The following IQGAP3 variants were observed in gnomAD, a reference collection of about 807,000 sequenced individuals.
IQGAP3 encodes the protein IQ motif containing GTPase activating protein 3, also known as ras GTPase-activating-like protein IQGAP3.
A neutral mutation model predicts 208.2 loss-of-function variants in IQGAP3; 165 were observed. The ratio of observed to expected loss-of-function variants is 0.79; its 90% CI spans 0.70 to 0.90. The LOEUF is 0.90. Among genes scored for constraint, IQGAP3 ranks in the 40% least tolerant of loss-of-function variants. The probability of loss-of-function intolerance (pLI) is 0.00; values close to 1 mark genes in which losing one functional copy is unlikely to be tolerated. For synonymous variants in IQGAP3, 703 were observed against 803.6 expected, an observed-to-expected ratio of 0.87 and a Z score of 2.12; for missense variants, 1,811 against 2,043.1, an observed-to-expected ratio of 0.89 and a Z score of 2.19.
At chr1:156,534,289 C>A (rs1674573967) in intron 29 of IQGAP3, 148 bp from the exon 30 acceptor site, 6 of 1,283,866 alleles carry the variant, frequency 4.7e-6, no homozygotes, top group Non-Finnish European at 6.5e-6. Flanking sequence ...CCTGCCCTAC[C>A]TCTGTCCCAG....
rs34005985 is a variant in IQGAP3, at chr1:156,569,528, C to CTTTT, written c.38-69_38-66dup. The CTTTT allele has an allele frequency of 6.5e-3, 900 of 138,110 alleles. 20 individuals are homozygous for CTTTT. The highest frequency in any genetic ancestry group is 8.9e-3 in the East Asian group (46 of 5,154). 8.6% of individuals were successfully genotyped at this position (138,110 alleles called of 1,614,324 possible). On this transcript the variant is annotated intron_variant, in intron 1 of 37. Transcript: ENST00000361170. ...TAGAGGTGCCTTAGCACTGAAGGGT[C>CTTTT]TTTTTTTTTTTTTTTTTTTTTTTTG...
At chr1:156,563,930 C>T (rs530908921) in intron 5 of IQGAP3, 106 bp from the exon 6 acceptor site, 44 of 809,186 alleles carry the variant, frequency 5.4e-5, no homozygotes, top group Non-Finnish European at 4.0e-6. Flanking sequence ...AGATGAAGAC[C>T]ACTCAGCACC....
At chr1:156,559,265 G>C (rs1676039990) in intron 11 of IQGAP3, among the ~76,000 whole-genome samples, 1 of 152,180 alleles carries the variant, frequency 6.6e-6, no homozygotes, top group African/African-American at 2.4e-5. Context: ...GGTTAGTCAG[G>C]GGGCTCTAGG....
chr1:156,544,226 GGGA>G lies in IQGAP3; in HGVS notation c.2389-6_2389-4del. 1 of 1,614,080 alleles carries G rather than the reference GGGA, an allele frequency of 6.2e-7. No homozygotes were observed. The highest frequency in any genetic ancestry group is 8.5e-7 in the Non-Finnish European group (1 of 1,180,002). On this transcript the variant is annotated splice_polypyrimidine_tract_variant and splice_region_variant and intron_variant, in intron 20 of 37. Coordinates refer to ENST00000361170, the MANE Select transcript of IQGAP3 (RefSeq NM_178229.5). ...CACATCCGGGCCCAGGCCTGGATCT[GGGA>G]GAAGAAACACACTGCCTCAGCTCCA...
chr1:156,525,992 A>G lies in IQGAP3; in HGVS notation c.*494T>C. 6.1e-6 allele frequency: 1 copy of G among 164,066 alleles called. No individual in the cohort carries two copies. The highest frequency in any genetic ancestry group is 1.7e-4 in the South Asian group (1 of 5,954). The allele number at this position is 164,066 out of a possible 1,614,324, so 10.2% of individuals were successfully genotyped here. Reference sequence around the variant, plus strand: ...TCCCTGCCCAGGTTGGAGGGTGTGCAGATCACAGCAGCAGAGCTGCCTAGA... The same window carrying G: ...TCCCTGCCCAGGTTGGAGGGTGTGCGGATCACAGCAGCAGAGCTGCCTAGA... On this transcript the variant is annotated 3_prime_UTR_variant, in exon 38 of 38. Coordinates refer to ENST00000361170, the MANE Select transcript of IQGAP3 (RefSeq NM_178229.5).
Position 156,554,400 on chromosome 1 carries a change from G to A in IQGAP3, c.1291-8C>T, listed in dbSNP as rs1345021859. On this transcript the variant is annotated splice_polypyrimidine_tract_variant and splice_region_variant and intron_variant, in intron 12 of 37. Coordinates refer to ENST00000361170, the MANE Select transcript of IQGAP3 (RefSeq NM_178229.5). ...CTCCTCCTGGCCAAGCTCCTACAAT[G>A]GGTGGGAGGGCCAATTCCCAAGTGG... 6.3e-7 allele frequency: 1 copy of A among 1,590,480 alleles called. No homozygotes were observed. The highest frequency in any genetic ancestry group is 8.5e-7 in the Non-Finnish European group (1 of 1,170,042).
At chr1:156,558,020 G>A (rs1571353956) in intron 11 of IQGAP3, among the ~76,000 whole-genome samples, 1 of 9,060 alleles carries the variant, frequency 1.1e-4, no homozygotes, top group African/African-American at 2.0e-4. Flanking sequence ...CGTCCGGGAG[G>A]GAGGTGGGGG....
In IQGAP3 at chr1:156,528,978, C is replaced by A; in HGVS notation, c.4509G>T (p.Glu1503Asp). The A allele has an allele frequency of 6.2e-7, 1 of 1,614,228 alleles. No homozygotes were observed. Among genetic ancestry groups the A allele is most frequent in the African/African-American group, 1.3e-5 (1 of 75,060 alleles). The change falls in exon 35 of 38, where the codon GAG (glutamate) becomes GAT (aspartate). Residue 1503 changes from glutamate to aspartate, a missense_variant. Glu to Asp is a conservative substitution (Grantham distance 45). Transcript: ENST00000361170. ...TGTACTGGCTGTAGTAGTCACCCTG[C>A]TCCTCATAGAAGGTGGTCTTAGTGC... ...GLSTKTTFYE[E>D]QGDYYSQYIR... is the part of the protein sequence containing the mutation.
intron 11 of IQGAP3, among the ~76,000 whole-genome samples, chr1:156,556,935 T>TAAGGTG (rs143644649): frequency 7.2e-5 from 3 of 41,712 alleles, no homozygotes; most frequent in African/African-American, 1.7e-4. Flanking sequence ...GCTCAGCCTC[T>TAAGGTG]GCCCCGCCGC....
rs749187302 is a variant in IQGAP3 at position 156,561,028 on chromosome 1, G to C, written c.1042-7C>G. ...GCTCCACCAGGCCCAGCTCCTAAGAGAGGGAAGAGATACAGTAGAATGGAG... is the reference window on the plus strand; with the variant it reads ...GCTCCACCAGGCCCAGCTCCTAAGACAGGGAAGAGATACAGTAGAATGGAG... On this transcript the variant is annotated splice_region_variant and splice_polypyrimidine_tract_variant and intron_variant, in intron 10 of 37. Transcript: ENST00000361170. 111 of 1,606,706 alleles carry C rather than the reference G, an allele frequency of 6.9e-5. No individual in the cohort carries two copies. In the Middle Eastern group the frequency reaches 1.8e-3, roughly 26 times the overall value.
chr1:156,528,347 T>C (rs1415046500), intron 36 of IQGAP3, among the ~76,000 whole-genome samples, 162 bp downstream of exon 36: 1 of 152,216 alleles, frequency 6.6e-6, no homozygotes, highest in Non-Finnish European at 1.5e-5. Context: ...TCCACAGCCC[T>C]TCACTTTCTG....
intron 22 of IQGAP3, among the ~76,000 whole-genome samples, chr1:156,543,267 G>A (rs939796216): frequency 5.9e-5 from 9 of 152,146 alleles, no homozygotes; most frequent in African/African-American, 1.9e-4. Context: ...GAAGGGACAG[G>A]CAAAGCCCCT....
At chr1:156,562,536 G>A (rs761101635) in intron 9 of IQGAP3, 51 bp downstream of exon 9, 5 of 1,451,330 alleles carry the variant, frequency 3.4e-6, no homozygotes, top group Non-Finnish European at 4.8e-6. Context: ...TCCCAGTGCA[G>A]GGGCTTACCC....
At chr1:156,568,091 C>G (rs1447142047) in intron 2 of IQGAP3, among the ~76,000 whole-genome samples, 1 of 152,088 alleles carries the variant, frequency 6.6e-6, no homozygotes, top group African/African-American at 2.4e-5. Flanking sequence ...GAACATGTAT[C>G]TTACATATGT....
chr1:156,550,247 A>G lies in IQGAP3; in HGVS notation c.1825+14T>C. 6.3e-7 allele frequency: 1 copy of G among 1,595,190 alleles called. No individual in the cohort carries two copies. The highest frequency in any genetic ancestry group is 8.6e-7 in the Non-Finnish European group (1 of 1,164,012). On this transcript the variant is annotated intron_variant, in intron 16 of 37. Coordinates refer to ENST00000361170, the MANE Select transcript of IQGAP3 (RefSeq NM_178229.5). ...ATCCCTCCCCTCCCAGGGTCCCCCA[A>G]CCAGTCCATTTACTTCTCTGAGCTG...
Position 156,526,583 on chromosome 1 carries a change from T to A in IQGAP3, c.4799A>T (p.Gln1600Leu). The A allele has an allele frequency of 1.2e-6, 2 of 1,613,586 alleles. No homozygotes were observed. The highest frequency in any genetic ancestry group is 1.1e-5 in the South Asian group (1 of 91,072). ...QLHYQDLLQL[Q>L]YEGVAVMKLF... ...TTTCATGACAGCCACACCCTCATACTGGAGCTGCAGGAGATCCTAGGAGGG... is the reference window on the plus strand; with the variant it reads ...TTTCATGACAGCCACACCCTCATACAGGAGCTGCAGGAGATCCTAGGAGGG... The change falls in exon 38 of 38, where the codon CAG becomes CTG. Residue 1600 changes from glutamine (Q) to leucine (L), a missense_variant. Transcript: ENST00000361170.
chr1:156,536,121 T>C (rs573960949), intron 27 of IQGAP3, among the ~76,000 whole-genome samples: 121 of 152,260 alleles, frequency 7.9e-4, no homozygotes, highest in Non-Finnish European at 1.4e-3. Context: ...CTTTTCTTAC[T>C]CCTAATTGTA....
At chr1:156,566,159 G>A in intron 3 of IQGAP3, 55 bp from the exon 4 acceptor site, 4 of 1,493,338 alleles carry the variant, frequency 2.7e-6, no homozygotes, top group Non-Finnish European at 3.7e-6. Flanking sequence ...ACTCCCTATG[G>A]GTAAAGCCCA....
intron 25 of IQGAP3, 101 bp from the exon 26 acceptor site, chr1:156,539,134 G>A (rs1674855796): frequency 1.3e-5 from 13 of 1,025,890 alleles, no homozygotes; most frequent in Non-Finnish European, 1.9e-5. Context: ...CTGCCCTGGT[G>A]TCCCCGCTCT....
Sources: gnomAD v4.1 joint callset for allele counts (sites outside exome capture counted in the v4.1 genomes callset) on GRCh38, gnomAD v4.1.1 for gene constraint, MANE v1.5 for transcripts, NCBI Gene and HGNC (gene_info 2026-07-23, HGNC 2026-07-21) for gene names.